The following PTPRB variants were observed in gnomAD, a reference collection of about 807,000 sequenced individuals.
The protein encoded by PTPRB is protein tyrosine phosphatase receptor type B.
Under a neutral mutation model 238.1 loss-of-function variants are expected in PTPRB, and 97 were observed. The ratio of observed to expected loss-of-function variants is 0.41; its 90% CI spans 0.35 to 0.48. The LOEUF is 0.48. Ranked by LOEUF, PTPRB falls within the 20% of genes least tolerant of loss-of-function variation. PTPRB has a pLI of 0.30. For missense variants in PTPRB, 2,292 were observed against 2,681.9 expected (o/e 0.85, Z 3.21); for synonymous variants, 970 against 995.4 (o/e 0.97, Z 0.48).
intron 8 of PTPRB, 100 bp from the exon 9 acceptor site, chr12:70,587,367 G>T: frequency 7.5e-7 from 1 of 1,331,220 alleles, no homozygotes; most frequent in Non-Finnish European, 1.0e-6. Flanking sequence ...GCGTGTTTCA[G>T]TTCAACATTT....
intron 18 of PTPRB, 61 bp from the exon 19 acceptor site, chr12:70,556,209 T>G: frequency 7.7e-7 from 1 of 1,304,116 alleles, no homozygotes; most frequent in Non-Finnish European, 1.1e-6. Flanking sequence ...TTTTTTCAGC[T>G]CCTTTGGGTC....
intron 4 of PTPRB, among the ~76,000 whole-genome samples, chr12:70,603,459 G>A (rs866930153): frequency 3.9e-5 from 6 of 152,218 alleles, no homozygotes; most frequent in South Asian, 2.1e-4. Flanking sequence ...AAAATAACAC[G>A]TGGTAATTTG....
intron 8 of PTPRB, among the ~76,000 whole-genome samples, chr12:70,589,320 A>G (rs144828162): frequency 6.6e-6 from 1 of 152,290 alleles, no homozygotes; most frequent in Admixed American, 6.5e-5. Context: ...AGGTATTTGA[A>G]TTTCACTCTA....
chr12:70,559,759 C>A, intron 17 of PTPRB, 135 bp from the exon 18 acceptor site: 1 of 833,094 alleles, frequency 1.2e-6, no homozygotes, highest in Non-Finnish European at 1.8e-6. Context: ...AATATAGTAG[C>A]AGGAGCTTTC....
chr12:70,528,144 G>A (rs1872673921), intron 32 of PTPRB, among the ~76,000 whole-genome samples: 7 of 152,172 alleles, frequency 4.6e-5, no homozygotes, highest in Admixed American at 4.6e-4. Flanking sequence ...TTATCTTACT[G>A]CAATGTTTAT....
chr12:70,539,112 C>T (rs1874643887), intron 26 of PTPRB, 98 bp from the exon 27 acceptor site: 2 of 949,076 alleles, frequency 2.1e-6, no homozygotes, highest in African/African-American at 1.6e-5. Context: ...AAAATATATA[C>T]ACTAGCTATT....
At chr12:70,623,138 C>T (rs1403264236) in intron 2 of PTPRB, among the ~76,000 whole-genome samples, 1 of 152,074 alleles carries the variant, frequency 6.6e-6, no homozygotes, top group East Asian at 1.9e-4. Flanking sequence ...CTAACTTCAC[C>T]ACAAAGATTG....
In PTPRB at chr12:70,532,110, G is replaced by C; in HGVS notation, c.6429C>G (p.Asp2143Glu). Residue 2143 changes from aspartate (D) to glutamate (E), a missense_variant, in exon 32 of 34, where the codon GAC becomes GAG. By Grantham distance (45) the Asp-to-Glu change is conservative. Around this residue, in one of 4 missense-constraint regions of PTPRB, gnomAD observed 397 missense variants for 502.0 expected, o/e 0.79. Transcript: ENST00000334414. ...IALDRILQQL[D>E]SKDSVDIYGA... ...CATAAATGTCCACAGAGTCTTTGGA[G>C]TCTAACTGCTGGAGGATTCGGTCCA... 6.2e-7 allele frequency: 1 copy of C among 1,613,894 alleles called. No homozygotes were observed. The highest frequency in any genetic ancestry group is 1.7e-5 in the Admixed American group (1 of 60,012).
intron 20 of PTPRB, 58 bp downstream of exon 20, chr12:70,555,102 A>T: frequency 6.4e-7 from 1 of 1,553,036 alleles, no homozygotes; most frequent in Non-Finnish European, 8.7e-7. Context: ...GATCTCCCAC[A>T]TGACCTCTGA....
At chr12:70,538,257 T>G in intron 27 of PTPRB, 26 bp from the exon 28 acceptor site, 1 of 1,600,044 alleles carries the variant, frequency 6.2e-7, no homozygotes, top group Non-Finnish European at 8.5e-7. Context: ...TGCTGCTGAG[T>G]CTTGGAGTGA....
rs756603592 is a variant in PTPRB at position 70,571,243 on chromosome 12, C to T, written c.3153G>A (p.Glu1051=). The change falls in exon 13 of 34, where the codon GAG becomes GAA. Residue 1051 remains glutamate (E), a synonymous_variant. Coordinates refer to ENST00000334414, the MANE Select transcript of PTPRB (RefSeq NM_001109754.4). ...CTCCTGACCAAGTCACATGCAAGTC[C>T]TCAGTGCTCCTGTTGCGCAATGTTA... ...KDLTLRNRST[E]DLHVTWSGAN... is the part of the protein sequence containing the mutation. 6 of 1,610,656 alleles carry T rather than the reference C, an allele frequency of 3.7e-6. No individual in the cohort carries two copies. The highest frequency in any genetic ancestry group is 5.1e-6 in the Non-Finnish European group (6 of 1,176,890).
chr12:70,581,785 T>G (rs895380985), intron 9 of PTPRB, among the ~76,000 whole-genome samples: 3 of 151,480 alleles, frequency 2.0e-5, no homozygotes, highest in African/African-American at 7.3e-5. Flanking sequence ...GCTGTTATTA[T>G]ACATGAACAT....
intron 3 of PTPRB, among the ~76,000 whole-genome samples, chr12:70,616,787 T>A (rs749431259): frequency 6.6e-6 from 1 of 152,194 alleles, no homozygotes; most frequent in African/African-American, 2.4e-5. Context: ...GGCAGAGAAA[T>A]ACTGTCATGT....
chr12:70,571,059 C>A lies in PTPRB; in HGVS notation c.3337G>T (p.Val1113Leu). The change falls in exon 13 of 34, where the codon GTA becomes TTA. Residue 1113 changes from valine (V) to leucine (L), a missense_variant. Val to Leu is a conservative substitution (Grantham distance 32, BLOSUM62 1). Transcript: ENST00000334414. ...CCCTCAATGAAGGCTGACTGCTGTA[C>A]ATCCCCGCTAATCGTCAAGACAAGA... ...KILVLTISGDVQQSAFIEGFT... is the reference protein window; with the variant it reads ...KILVLTISGDLQQSAFIEGFT... 2 of 1,614,030 alleles carry A rather than the reference C, an allele frequency of 1.2e-6. No individual in the cohort carries two copies. Among genetic ancestry groups the A allele is most frequent in the South Asian group, 2.2e-5 (2 of 91,084 alleles).
At chr12:70,524,296 G>A (rs1341785447) in intron 33 of PTPRB, among the ~76,000 whole-genome samples, 175 bp downstream of exon 33, 1 of 147,952 alleles carries the variant, frequency 6.8e-6, no homozygotes, top group East Asian at 2.0e-4. Flanking sequence ...TTAGTTTTTT[G>A]TAGAGATAGG....
chr12:70,530,226 C>G (rs1207169899), intron 32 of PTPRB, among the ~76,000 whole-genome samples: 1 of 152,054 alleles, frequency 6.6e-6, no homozygotes, highest in East Asian at 1.9e-4. Context: ...TATTTAAATA[C>G]TGACTGGATA....
At chr12:70,527,018 T>C (rs1872543492) in intron 32 of PTPRB, among the ~76,000 whole-genome samples, 1 of 152,212 alleles carries the variant, frequency 6.6e-6, no homozygotes, top group Non-Finnish European at 1.5e-5. Flanking sequence ...TTATTCTTAA[T>C]GAAAAGTAGA....
At chr12:70,630,652 T>A (rs548354965) in intron 2 of PTPRB, among the ~76,000 whole-genome samples, 1 of 152,238 alleles carries the variant, frequency 6.6e-6, no homozygotes, top group Non-Finnish European at 1.5e-5. Context: ...GATGACATGA[T>A]TGTATATTTA....
chr12:70,598,390 A>G (rs934117870), intron 4 of PTPRB, among the ~76,000 whole-genome samples: 2 of 152,188 alleles, frequency 1.3e-5, no homozygotes, highest in African/African-American at 4.8e-5. Context: ...AATTAGGTGA[A>G]AATATTGCCA....
Sources: allele counts gnomAD v4.1 joint callset (sites outside exome capture counted in the v4.1 genomes callset), GRCh38; gene constraint gnomAD v4.1.1; regional missense constraint gnomAD v4.1.1; transcripts MANE v1.5; gene names NCBI Gene and HGNC (gene_info 2026-07-23, HGNC 2026-07-21).